The following AKR1D1 variants were observed in gnomAD, a reference collection of about 807,000 sequenced individuals.
AKR1D1 encodes aldo-keto reductase family 1 member D1.
A neutral mutation model predicts 42.6 loss-of-function variants in AKR1D1; 32 were observed. The ratio of observed to expected loss-of-function variants is 0.75; its 90% CI spans 0.57 to 1.01. AKR1D1 has a LOEUF of 1.01. AKR1D1 is among the 50% of genes least tolerant of loss of function. AKR1D1 has a pLI of 0.00. For missense variants in AKR1D1, 364 were observed against 402.2 expected (o/e 0.91, Z 0.81); for synonymous variants, 123 against 135.5 (o/e 0.91, Z 0.64).
chr7:138,081,672 G>A (rs529487045), intron 1 of AKR1D1, among the ~76,000 whole-genome samples: 3 of 151,740 alleles, frequency 2.0e-5, no homozygotes, highest in Non-Finnish European at 4.4e-5. Flanking sequence ...GGGACTACAG[G>A]TGTGCACCAC....
intron 1 of AKR1D1, among the ~76,000 whole-genome samples, chr7:138,077,876 G>T (rs184940684): frequency 2.0e-5 from 3 of 152,324 alleles, no homozygotes; most frequent in Admixed American, 6.5e-5. Context: ...CTGGCACAGG[G>T]AGTTAATGGT....
chr7:138,116,779 T>C lies in AKR1D1; in HGVS notation c.*117T>C, dbSNP rs1049554532. 4.4e-6 allele frequency: 4 copies of C among 917,074 alleles called. No homozygotes were observed. Among genetic ancestry groups the C allele is most frequent in the Non-Finnish European group, 6.9e-6 (4 of 578,020 alleles). The allele number at this position is 917,074 out of a possible 1,614,324, so 56.8% of individuals were successfully genotyped here. A position where few individuals can be genotyped will look rare whatever the true frequency, so the allele number is the denominator to read the frequency against. On this transcript the variant is annotated 3_prime_UTR_variant, in exon 9 of 9. Transcript: ENST00000242375. ...GTTTTACCATCCTGAGAAGAAATAATGATGGAAACATGTTTAATGTTTGTG... is the reference window on the plus strand; with the variant it reads ...GTTTTACCATCCTGAGAAGAAATAACGATGGAAACATGTTTAATGTTTGTG...
At chr7:138,080,263 T>C (rs1248922495) in intron 1 of AKR1D1, among the ~76,000 whole-genome samples, 2 of 152,128 alleles carry the variant, frequency 1.3e-5, no homozygotes, top group Non-Finnish European at 2.9e-5. Context: ...AGAGACGAGG[T>C]ATCTCTATGT....
rs767666930 is a variant in AKR1D1 at position 138,118,197 on chromosome 7, G to A, written c.*1535G>A. ...GAGAAATTATCATTTTAAAAAATTT[G>A]GTCTATACTGATTGTTTTCACTGAT... On this transcript the variant is annotated 3_prime_UTR_variant, in exon 9 of 9. Transcript: ENST00000242375. 1.3e-5 allele frequency among the ~76,000 whole-genome samples: 2 copies of A among 151,952 alleles called. No homozygotes were observed. The highest frequency in any genetic ancestry group is 2.9e-5 in the Non-Finnish European group (2 of 67,982).
At chr7:138,098,743 G>T (rs1386801780) in intron 4 of AKR1D1, among the ~76,000 whole-genome samples, 1 of 152,114 alleles carries the variant, frequency 6.6e-6, no homozygotes, top group Non-Finnish European at 1.5e-5. Flanking sequence ...ATGGATTCGT[G>T]GTGGGGAGGG....
intron 6 of AKR1D1, 172 bp from the exon 7 acceptor site, chr7:138,107,243 G>A (rs746283630): frequency 1.3e-5 from 10 of 787,344 alleles, no homozygotes; most frequent in Middle Eastern, 2.2e-4. Context: ...CCCATACTAC[G>A]AGTAACTCTC....
chr7:138,079,549 T>A (rs1803010089), intron 1 of AKR1D1, among the ~76,000 whole-genome samples: 2 of 152,234 alleles, frequency 1.3e-5, no homozygotes, highest in Admixed American at 1.3e-4. Flanking sequence ...CCAATCATCA[T>A]GAATAATAAT....
intron 8 of AKR1D1, among the ~76,000 whole-genome samples, chr7:138,116,284 G>A (rs542456081): frequency 2.0e-5 from 3 of 152,272 alleles, no homozygotes; most frequent in East Asian, 3.9e-4. Flanking sequence ...GGCAGCCAGC[G>A]TCAAGGGAAC....
chr7:138,092,278 A>G (rs1794099801), intron 3 of AKR1D1, among the ~76,000 whole-genome samples: 1 of 152,200 alleles, frequency 6.6e-6, no homozygotes. Flanking sequence ...GTAGTCCTCT[A>G]ACTGTAGCCC....
intron 8 of AKR1D1, among the ~76,000 whole-genome samples, chr7:138,114,378 T>C (rs937236285): frequency 1.4e-4 from 22 of 152,246 alleles, no homozygotes; most frequent in Admixed American, 1.4e-3. Flanking sequence ...TAAAAAAGAA[T>C]ATAGTTTTGG....
chr7:138,083,579 C>A (rs1803103166), intron 1 of AKR1D1, among the ~76,000 whole-genome samples: 1 of 152,082 alleles, frequency 6.6e-6, no homozygotes, highest in Admixed American at 6.6e-5. Context: ...TGTGCAGAGG[C>A]TTTTTAGCTT....
At chr7:138,094,716 C>T (rs551432315) in intron 3 of AKR1D1, among the ~76,000 whole-genome samples, 4 of 152,256 alleles carry the variant, frequency 2.6e-5, no homozygotes, top group East Asian at 3.9e-4. Flanking sequence ...GACAGGGTCT[C>T]GCTATGTTGA....
At chr7:138,092,668 C>T (rs547115930) in intron 3 of AKR1D1, among the ~76,000 whole-genome samples, 22 of 152,288 alleles carry the variant, frequency 1.4e-4, no homozygotes, top group Admixed American at 1.1e-3. Context: ...AGGCTATAAA[C>T]CTGCACAGCA....
intron 6 of AKR1D1, 39 bp downstream of exon 6, chr7:138,106,756 G>C: frequency 1.4e-6 from 2 of 1,478,982 alleles, no homozygotes; most frequent in Non-Finnish European, 1.9e-6. Context: ...TTGGTGTAGA[G>C]TGTGAGGCTC....
chr7:138,086,311 G>A (rs979999013), intron 1 of AKR1D1, among the ~76,000 whole-genome samples: 2 of 152,046 alleles, frequency 1.3e-5, no homozygotes, highest in African/African-American at 4.8e-5. Context: ...CTGTACTTTG[G>A]TTGTCACACT....
chr7:138,107,561 G>A lies in AKR1D1; in HGVS notation c.836G>A (p.Arg279Lys), dbSNP rs765314823. The change falls in exon 7 of 9, where the codon AGG (arginine) becomes AAG (lysine). Residue 279 changes from arginine (R) to lysine (K), a missense_variant. By Grantham distance (26) the Arg-to-Lys change is conservative (BLOSUM62 2). Transcript: ENST00000242375. ...ATTCCTAAAAGCTTTAATCTTGAAA[G>A]GATCAAAGAAAATTTTCAGGTAAGA... ...VVIPKSFNLE[R>K]IKENFQIFDF... 3.1e-6 allele frequency: 5 copies of A among 1,613,778 alleles called. No homozygotes were observed. Among genetic ancestry groups the A allele is most frequent in the Admixed American group, 3.3e-5 (2 of 60,006 alleles).
chr7:138,086,645 A>T (rs1803187381), intron 1 of AKR1D1, among the ~76,000 whole-genome samples: 2 of 152,192 alleles, frequency 1.3e-5, no homozygotes, highest in South Asian at 4.1e-4. Flanking sequence ...CTAGAAATAC[A>T]TTTCAGATTT....
intron 2 of AKR1D1, among the ~76,000 whole-genome samples, chr7:138,090,620 C>A (rs1794050398): frequency 7.1e-6 from 1 of 140,670 alleles, no homozygotes; most frequent in Admixed American, 7.4e-5. Flanking sequence ...CTCAGCAACA[C>A]AGCAAGACCC....
At chr7:138,105,880 G>C (rs1325211012) in intron 5 of AKR1D1, among the ~76,000 whole-genome samples, 1 of 150,584 alleles carries the variant, frequency 6.6e-6, no homozygotes, top group Non-Finnish European at 1.5e-5. Flanking sequence ...GTGTGACTTC[G>C]TCTAACAACA....
Sources: gnomAD v4.1 joint callset for allele counts (sites outside exome capture counted in the v4.1 genomes callset) on GRCh38, gnomAD v4.1.1 for gene constraint, MANE v1.5 for transcripts, NCBI Gene and HGNC (gene_info 2026-07-23, HGNC 2026-07-21) for gene names.